Variants in FRMD3 observed in about 807,000 individuals in gnomAD.
FRMD3 encodes FERM domain containing 3, also known as FERM domain-containing protein 3.
A neutral mutation model predicts 70.2 loss-of-function variants in FRMD3; 33 were observed. That is an observed-to-expected ratio of 0.47 (90% CI 0.36 to 0.63). FRMD3 has a LOEUF of 0.63. Ranked by LOEUF, FRMD3 falls within the 20% of genes least tolerant of loss-of-function variation. The pLI, the probability that FRMD3 is intolerant of heterozygous loss-of-function variation, is 0.00. For missense variants in FRMD3, 632 were observed against 711.4 expected (o/e 0.89, Z 1.27); for synonymous variants, 279 against 255.9 (o/e 1.09, Z -0.86).
At chr9:83,308,091 C>T (rs13287986) in intron 10 of FRMD3, among the ~76,000 whole-genome samples, 3,289 of 152,266 alleles carry the variant, frequency 0.022, 67 homozygotes, top group Admixed American at 0.061. Flanking sequence ...GCATTTTGTG[C>T]GTCATCTCAC....
intron 1 of FRMD3, among the ~76,000 whole-genome samples, chr9:83,448,283 C>T (rs1054814901): frequency 2.0e-5 from 3 of 152,132 alleles, no homozygotes; most frequent in Non-Finnish European, 4.4e-5. Context: ...CAGTCCCCAC[C>T]GCTCCCTATT....
intron 1 of FRMD3, among the ~76,000 whole-genome samples, chr9:83,461,564 G>C (rs1022989522): frequency 2.0e-5 from 3 of 152,022 alleles, no homozygotes; most frequent in Admixed American, 6.5e-5. Flanking sequence ...TTGTGGGGTG[G>C]GAGGTCCAAG....
chr9:83,536,994 G>A (rs1169134735), intron 1 of FRMD3, among the ~76,000 whole-genome samples: 2 of 146,820 alleles, frequency 1.4e-5, no homozygotes, highest in Non-Finnish European at 3.0e-5. Flanking sequence ...GGGTAGGTGA[G>A]AAAGGAAATC....
intron 3 of FRMD3, among the ~76,000 whole-genome samples, chr9:83,368,175 C>G (rs1022888086): frequency 1.3e-5 from 2 of 152,126 alleles, no homozygotes; most frequent in Admixed American, 6.5e-5. Flanking sequence ...CACAAAGGCA[C>G]AGCACAGGCA....
intron 10 of FRMD3, among the ~76,000 whole-genome samples, chr9:83,304,095 T>C (rs143977810): frequency 1.8e-4 from 27 of 152,348 alleles, no homozygotes; most frequent in African/African-American, 6.5e-4. Flanking sequence ...CTGAATGATA[T>C]ACCATTGTAT....
chr9:83,408,393 C>G (rs1826187125), intron 1 of FRMD3, among the ~76,000 whole-genome samples: 2 of 152,146 alleles, frequency 1.3e-5, no homozygotes, highest in African/African-American at 4.8e-5. Context: ...TCTGCCCTCA[C>G]CAGGTTGTCA....
At chr9:83,402,900 T>G (rs1825989827) in intron 1 of FRMD3, among the ~76,000 whole-genome samples, 1 of 52,158 alleles carries the variant, frequency 1.9e-5, no homozygotes, top group African/African-American at 6.3e-5. Flanking sequence ...CTTTCTTTCT[T>G]TTTTTTTTTT....
At chr9:83,515,429 T>A (rs896345078) in intron 1 of FRMD3, among the ~76,000 whole-genome samples, 1 of 151,958 alleles carries the variant, frequency 6.6e-6, no homozygotes, top group Admixed American at 6.6e-5. Flanking sequence ...GAAAAAAGAA[T>A]GAAAAGGAAT....
intron 1 of FRMD3, among the ~76,000 whole-genome samples, chr9:83,462,138 A>G (rs917115216): frequency 6.6e-6 from 1 of 152,212 alleles, no homozygotes; most frequent in African/African-American, 2.4e-5. Context: ...AGGAAGTTAG[A>G]TTAGGTGAAC....
intron 1 of FRMD3, among the ~76,000 whole-genome samples, chr9:83,421,410 T>C (rs1587837295): frequency 6.6e-6 from 1 of 152,222 alleles, no homozygotes; most frequent in African/African-American, 2.4e-5. Context: ...CATTGAATCC[T>C]CATCATGGCC....
At chr9:83,369,226 C>T (rs1824890107) in intron 3 of FRMD3, among the ~76,000 whole-genome samples, 1 of 152,136 alleles carries the variant, frequency 6.6e-6, no homozygotes, top group African/African-American at 2.4e-5. Context: ...TATTGCAGTA[C>T]ACTTTACAAT....
chr9:83,277,328 ATT>A (rs889164858), intron 13 of FRMD3, among the ~76,000 whole-genome samples: 1 of 152,150 alleles, frequency 6.6e-6, no homozygotes, highest in Non-Finnish European at 1.5e-5. Context: ...TTTAAATTTT[ATT>A]TGTGTTTTTG....
intron 1 of FRMD3, among the ~76,000 whole-genome samples, chr9:83,426,032 C>T (rs1304305860): frequency 6.6e-6 from 1 of 151,860 alleles, no homozygotes; most frequent in East Asian, 1.9e-4. Flanking sequence ...TGCTCACAAG[C>T]GTGAGCAAAC....
At chr9:83,261,718 G>A (rs10867967) in intron 13 of FRMD3, among the ~76,000 whole-genome samples, 76,243 of 152,006 alleles carry the variant, frequency 0.5, 21,157 homozygotes, top group South Asian at 0.76. Flanking sequence ...CCCTTGAAAA[G>A]AGTGTTCCAT....
chr9:83,450,660 G>A (rs1277565458), intron 1 of FRMD3, among the ~76,000 whole-genome samples: 2 of 152,156 alleles, frequency 1.3e-5, no homozygotes, highest in Non-Finnish European at 2.9e-5. Flanking sequence ...GAAAGGGAAG[G>A]CTCTGACTCC....
At chr9:83,274,445 C>A (rs1833725899) in intron 13 of FRMD3, among the ~76,000 whole-genome samples, 1 of 152,126 alleles carries the variant, frequency 6.6e-6, no homozygotes, top group Non-Finnish European at 1.5e-5. Context: ...AATGCCATGT[C>A]ATGTCAAGAG....
At chr9:83,450,370 T>TTTTTTTTTA (rs60674885) in intron 1 of FRMD3, among the ~76,000 whole-genome samples, 5 of 120,806 alleles carry the variant, frequency 4.1e-5, no homozygotes, top group Non-Finnish European at 5.2e-5. Context: ...TTTTTTTTTT[T>TTTTTTTTTA]ATTATACTCT....
chr9:83,393,687 A>T (rs1202598482), intron 1 of FRMD3, among the ~76,000 whole-genome samples: 1 of 152,104 alleles, frequency 6.6e-6, no homozygotes, highest in African/African-American at 2.4e-5. Context: ...TGCACAGCTC[A>T]CAATAGCTTT....
chr9:83,541,967 T>A (rs1351446644), upstream of FRMD3, among the ~76,000 whole-genome samples: 1 of 152,138 alleles, frequency 6.6e-6, no homozygotes, highest in Non-Finnish European at 1.5e-5. Flanking sequence ...TTTTACCGAT[T>A]GGGTCCCACT....
Sources: allele counts gnomAD v4.1 joint callset (sites outside exome capture counted in the v4.1 genomes callset), GRCh38; gene constraint gnomAD v4.1.1; transcripts MANE v1.5; gene names NCBI Gene and HGNC (gene_info 2026-07-23, HGNC 2026-07-21).